TCF20: variants seen among roughly 807,000 people sequenced by gnomAD.
TCF20 encodes SPRE-binding protein.
TCF20 carries 3 observed loss-of-function variants against 148.6 expected under a neutral mutation model. The observed-to-expected ratio is 0.02, with a 90% CI of 0.01 to 0.05. The LOEUF is 0.05. TCF20 is among the 10% of genes least tolerant of loss of function. The pLI is 1.00. For synonymous variants in TCF20, 1,049 were observed against 909.5 expected (o/e 1.15, Z -2.76); for missense variants, 2,350 against 2,429.3 (o/e 0.97, Z 0.69).
chr22:42,239,462 G>C (rs1201658079), intron 1 of TCF20, among the ~76,000 whole-genome samples: 1 of 140,144 alleles, frequency 7.1e-6, no homozygotes, highest in African/African-American at 2.7e-5. Context: ...GGGAACAAGA[G>C]TGAAAATCTC....
Position 42,213,237 on chromosome 22 carries a change from G to C in TCF20, c.2069C>G (p.Pro690Arg). The C allele has an allele frequency of 6.2e-7, 1 of 1,614,136 alleles. No individual in the cohort carries two copies. The highest frequency in any genetic ancestry group is 8.5e-7 in the Non-Finnish European group (1 of 1,180,024). Reference protein sequence around the residue: ...NGQSGHSAAGPGFTSRTEPSK... With the variant: ...NGQSGHSAAGRGFTSRTEPSK... ...AGGCTCAGTTCTGCTCGTAAAACCA[G>C]GGCCCGCTGCAGAGTGGCCACTCTG... Residue 690 changes from proline (P) to arginine (R), a missense_variant, in exon 2 of 6, where the codon CCT becomes CGT. Physicochemically the swap from Pro to Arg is moderately radical, Grantham distance 103 (BLOSUM62 -2). Coordinates refer to ENST00000677622, the MANE Select transcript of TCF20 (RefSeq NM_001378418.1).
rs779136199 is a variant in TCF20 at position 42,215,165 on chromosome 22, A to C, written c.141T>G (p.Ser47Arg). The stretch of plus-strand genomic sequence containing the variant: ...CACTGCCACTGCCACTGCTGCCACT[A>C]CTGCCACCTGTACCTCCAAAATTCT... The part of the protein sequence containing the change: ...MFQNFGGTGG[S>R]SGSSGSGSGG... Residue 47 changes from serine to arginine, a missense_variant, in exon 2 of 6, where the codon AGT (serine) becomes AGG (arginine). By Grantham distance (110) the Ser-to-Arg change is moderately radical. This residue lies in a region of TCF20 where 1,641 missense variants were observed against 1,662.6 expected (regional missense o/e 0.99). Transcript: ENST00000677622. The C allele has an allele frequency of 6.2e-7, 1 of 1,614,076 alleles. No individual in the cohort carries two copies. Among genetic ancestry groups the C allele is most frequent in the South Asian group, 1.1e-5 (1 of 91,076 alleles).
intron 1 of TCF20, among the ~76,000 whole-genome samples, chr22:42,265,561 A>G (rs547782328): frequency 5.3e-5 from 8 of 152,264 alleles, no homozygotes; most frequent in African/African-American, 1.9e-4. Flanking sequence ...TTTTACTTCA[A>G]TGGTTTTATT....
At chr22:42,232,436 T>C (rs1393855448) in intron 1 of TCF20, among the ~76,000 whole-genome samples, 2 of 150,712 alleles carry the variant, frequency 1.3e-5, no homozygotes, top group African/African-American at 4.9e-5. Context: ...GCACCAAAGG[T>C]GCCAGAGATG....
intron 1 of TCF20, among the ~76,000 whole-genome samples, chr22:42,246,858 TG>T (rs1163263959): frequency 4.0e-5 from 6 of 150,188 alleles, no homozygotes; most frequent in Admixed American, 3.3e-4. Flanking sequence ...CCCAGCTACT[TG>T]GGAGGCTGAT....
chr22:42,235,188 C>T (rs1336236719), intron 1 of TCF20, among the ~76,000 whole-genome samples: 2 of 151,658 alleles, frequency 1.3e-5, no homozygotes, highest in African/African-American at 4.8e-5. Context: ...CGCTCTAGAC[C>T]TTATTTTAGG....
chr22:42,223,146 T>C (rs2147252635), intron 1 of TCF20, among the ~76,000 whole-genome samples: 1 of 152,262 alleles, frequency 6.6e-6, no homozygotes, highest in Middle Eastern at 3.4e-3. Flanking sequence ...GTAAGACCTG[T>C]CCCAGTAAAT....
chr22:42,223,289 A>C (rs772037828), intron 1 of TCF20, among the ~76,000 whole-genome samples: 3 of 152,100 alleles, frequency 2.0e-5, no homozygotes, highest in Non-Finnish European at 2.9e-5. Context: ...TCCAAAAGTC[A>C]CTCCTCTAGG....
intron 1 of TCF20, among the ~76,000 whole-genome samples, chr22:42,220,576 T>C (rs1050314183): frequency 1.3e-5 from 2 of 152,162 alleles, no homozygotes; most frequent in African/African-American, 2.4e-5. Context: ...CAATGATGCA[T>C]CTAGTTATAG....
chr22:42,233,379 T>C (rs1923604307), intron 1 of TCF20, among the ~76,000 whole-genome samples: 1 of 152,208 alleles, frequency 6.6e-6, no homozygotes, highest in Non-Finnish European at 1.5e-5. Flanking sequence ...ACAAGGAATG[T>C]GCCCTAACTT....
intron 1 of TCF20, among the ~76,000 whole-genome samples, chr22:42,240,244 A>T (rs1442845997): frequency 6.6e-6 from 1 of 152,216 alleles, no homozygotes; most frequent in Non-Finnish European, 1.5e-5. Context: ...GGGATTCAAA[A>T]ATCAGGCGAC....
chr22:42,237,948 C>T (rs1428804171), intron 1 of TCF20, among the ~76,000 whole-genome samples: 1 of 152,120 alleles, frequency 6.6e-6, no homozygotes, highest in African/African-American at 2.4e-5. Flanking sequence ...TTTATGGGCC[C>T]TAGAATTATT....
At chr22:42,224,202 T>A (rs368796375) in intron 1 of TCF20, among the ~76,000 whole-genome samples, 1 of 152,136 alleles carries the variant, frequency 6.6e-6, no homozygotes, top group Admixed American at 6.6e-5. Context: ...CCAGGCGCAG[T>A]GGCTCACGCC....
intron 2 of TCF20, among the ~76,000 whole-genome samples, chr22:42,207,939 A>G (rs954409675): frequency 2.0e-5 from 3 of 152,280 alleles, no homozygotes; most frequent in East Asian, 3.8e-4. Flanking sequence ...CTGTAATTCC[A>G]GCACTTTGGA....
At chr22:42,278,010 C>A (rs202066155) in intron 1 of TCF20, among the ~76,000 whole-genome samples, 1 of 152,334 alleles carries the variant, frequency 6.6e-6, no homozygotes, top group Non-Finnish European at 1.5e-5. Context: ...CATTTCCCTG[C>A]GAAGGAGCAG....
intron 2 of TCF20, among the ~76,000 whole-genome samples, chr22:42,200,861 C>T (rs951673203): frequency 6.6e-6 from 1 of 152,148 alleles, no homozygotes; most frequent in African/African-American, 2.4e-5. Context: ...ATGTGACTTA[C>T]ACGCTTAGAA....
chr22:42,190,237 C>T (rs1000278584), intron 2 of TCF20, among the ~76,000 whole-genome samples: 8 of 152,064 alleles, frequency 5.3e-5, no homozygotes, highest in African/African-American at 9.7e-5. Context: ...GGTGGGAGGA[C>T]TGCCTGAGGC....
intron 1 of TCF20, among the ~76,000 whole-genome samples, chr22:42,263,698 C>T (rs1926139973): frequency 6.6e-6 from 1 of 152,194 alleles, no homozygotes; most frequent in South Asian, 2.1e-4. Context: ...TGAAAATTAA[C>T]AGCAGTACAA....
intron 2 of TCF20, among the ~76,000 whole-genome samples, chr22:42,204,011 G>A (rs1464319094): frequency 6.6e-6 from 1 of 152,218 alleles, no homozygotes; most frequent in African/African-American, 2.4e-5. Flanking sequence ...TTAAACTAGA[G>A]AGCCTACCTT....
Sources: allele counts gnomAD v4.1 joint callset (sites outside exome capture counted in the v4.1 genomes callset), GRCh38; gene constraint gnomAD v4.1.1; regional missense constraint gnomAD v4.1.1; transcripts MANE v1.5; gene names NCBI Gene and HGNC (gene_info 2026-07-23, HGNC 2026-07-21).